Variants in DIP2A observed in about 807,000 individuals in gnomAD.
DIP2A encodes the protein disco-interacting protein 2 homolog A.
DIP2A carries 85 observed loss-of-function variants against 177.4 expected under a neutral mutation model. That is an observed-to-expected ratio of 0.48 (90% CI 0.40 to 0.57). The LOEUF (loss-of-function observed/expected upper bound fraction) is 0.57, where lower values mean the gene tolerates loss of function less well. Ranked by LOEUF, DIP2A falls within the 20% of genes least tolerant of loss-of-function variation. DIP2A has a pLI of 0.00. For missense variants in DIP2A, 1,791 were observed against 2,100.2 expected (o/e 0.85, Z 2.88); for synonymous variants, 886 against 881.8 (o/e 1.00, Z -0.08).
chr21:46,477,543 T>TTTTTTTTGTGTGTGTGTGTGTGTGTGTG (rs374607636), intron 1 of DIP2A, among the ~76,000 whole-genome samples: 16 of 87,094 alleles, frequency 1.8e-4, no homozygotes, highest in African/African-American at 2.6e-4. Flanking sequence ...AAAAAAAGAT[T>TTTTTTTTGTGTGTGTGTGTGTGTGTGTG]TGTGTGTGTG....
intron 1 of DIP2A, among the ~76,000 whole-genome samples, chr21:46,459,730 T>TCC (rs5844274): frequency 5.5e-4 from 81 of 147,510 alleles, no homozygotes; most frequent in African/African-American, 1.9e-3. Flanking sequence ...CAAGGACTCC[T>TCC]CCCCCCAGGC....
Position 46,539,887 on chromosome 21 carries a change from C to A in DIP2A, c.1932C>A (p.Ser644=). 1 of 1,613,942 alleles carries A rather than the reference C, an allele frequency of 6.2e-7. No homozygotes were observed. The highest frequency in any genetic ancestry group is 8.5e-7 in the Non-Finnish European group (1 of 1,179,838). Residue 644 remains serine, a synonymous_variant, in exon 17 of 38, where the codon TCC becomes TCA. Coordinates refer to ENST00000417564, the MANE Select transcript of DIP2A (RefSeq NM_015151.4). ...TGTTGCTCTGTGCAGGGTCGATCTC[C>A]TCCTGTGACGCCTTCCTCAACGTCT... ...VADGANPWSI[S]SCDAFLNVFQ... is the part of the protein sequence containing the mutation.
At chr21:46,528,527 C>CTTTTTTT (rs1162872343) in intron 8 of DIP2A, among the ~76,000 whole-genome samples, 9 of 29,390 alleles carry the variant, frequency 3.1e-4, no homozygotes, top group African/African-American at 4.7e-4. Flanking sequence ...TTTCTGCTTG[C>CTTTTTTT]TTTTTTTTTT....
rs184364153 is a variant in DIP2A at position 46,554,020 on chromosome 21, G to A, written c.3031-149G>A. 1.9e-4 allele frequency: 202 copies of A among 1,083,938 alleles called. 1 individual carries two copies. The highest frequency in any genetic ancestry group is 8.5e-4 in the African/African-American group (53 of 62,296). 67.1% of individuals were successfully genotyped at this position (1,083,938 alleles called of 1,614,324 possible). Reference sequence around the variant, plus strand: ...CTCTACCAAAAAAAAGACACCAGCCGTACGTCTAGGACTGACACATTGTCA... The same window carrying A: ...CTCTACCAAAAAAAAGACACCAGCCATACGTCTAGGACTGACACATTGTCA... On this transcript the variant is annotated intron_variant, in intron 25 of 37. Transcript: ENST00000417564.
intron 8 of DIP2A, among the ~76,000 whole-genome samples, chr21:46,517,818 C>T (rs1450021959): frequency 6.6e-6 from 1 of 152,172 alleles, no homozygotes; most frequent in Non-Finnish European, 1.5e-5. Context: ...ATACTCAGCC[C>T]CCCGTGGGGG....
chr21:46,518,103 A>G (rs973207215), intron 8 of DIP2A, among the ~76,000 whole-genome samples: 4 of 152,196 alleles, frequency 2.6e-5, no homozygotes, highest in Non-Finnish European at 5.9e-5. Context: ...GTTGTAATTC[A>G]TTTATTTCTG....
chr21:46,516,078 A>T (rs1265565646), intron 8 of DIP2A, among the ~76,000 whole-genome samples: 3 of 152,184 alleles, frequency 2.0e-5, no homozygotes, highest in African/African-American at 7.2e-5. Context: ...TTTTGAGAAG[A>T]TGCCAGACCA....
At chr21:46,497,292 A>G (rs1254001643) in intron 4 of DIP2A, among the ~76,000 whole-genome samples, 185 bp downstream of exon 4, 1 of 152,248 alleles carries the variant, frequency 6.6e-6, no homozygotes, top group Non-Finnish European at 1.5e-5. Flanking sequence ...TGTACATAGT[A>G]TTCTTACCCA....
At chr21:46,461,916 G>A (rs936349491) in intron 1 of DIP2A, among the ~76,000 whole-genome samples, 1 of 151,764 alleles carries the variant, frequency 6.6e-6, no homozygotes, top group Middle Eastern at 3.2e-3. Flanking sequence ...AAAAAAATTG[G>A]CTGGGCATGG....
chr21:46,531,139 CA>C (rs765504493), intron 9 of DIP2A, among the ~76,000 whole-genome samples: 7 of 152,038 alleles, frequency 4.6e-5, no homozygotes, highest in South Asian at 4.2e-4. Context: ...GGCAGCAGTC[CA>C]GGGGGGGCAG....
chr21:46,567,443 C>A lies in DIP2A; in HGVS notation c.4537C>A (p.Leu1513Met). 1.2e-6 allele frequency: 2 copies of A among 1,613,954 alleles called. No homozygotes were observed. Among genetic ancestry groups the A allele is most frequent in the Non-Finnish European group, 1.7e-6 (2 of 1,179,880 alleles). Residue 1513 changes from leucine to methionine, a missense_variant, in exon 38 of 38, where the codon CTG becomes ATG. By Grantham distance (15) the Leu-to-Met change is conservative. Coordinates refer to ENST00000417564, the MANE Select transcript of DIP2A (RefSeq NM_015151.4). Reference protein sequence around the residue: ...LDGLEQDALDLVALVTNVVLE... With the variant: ...LDGLEQDALDMVALVTNVVLE... ...TGGGCTAGAGCAGGATGCCCTGGAC[C>A]TGGTGGCCCTGGTGACCAACGTGGT...
chr21:46,463,308 A>C (rs971296629), intron 1 of DIP2A: 10 of 152,234 alleles, frequency 6.6e-5, no homozygotes, highest in African/African-American at 2.2e-4. Context: ...TACCTTGGAC[A>C]CACCTCACAG....
At chr21:46,470,729 A>G (rs1057449994) in intron 1 of DIP2A, among the ~76,000 whole-genome samples, 1 of 149,936 alleles carries the variant, frequency 6.7e-6, no homozygotes, top group African/African-American at 2.5e-5. Flanking sequence ...ACACCATTGC[A>G]CTCCAGCCTG....
chr21:46,475,085 TA>T (rs11322666), intron 1 of DIP2A, among the ~76,000 whole-genome samples: 151,739 of 152,342 alleles, frequency 1, 75,573 homozygotes, highest in Middle Eastern at 1. Context: ...CTTCTCCACT[TA>T]ACACTCTTCC....
intron 8 of DIP2A, among the ~76,000 whole-genome samples, chr21:46,528,263 T>C (rs1428023736): frequency 6.6e-6 from 1 of 152,130 alleles, no homozygotes; most frequent in Non-Finnish European, 1.5e-5. Context: ...TTTAACATGT[T>C]AAAACAAAGA....
chr21:46,554,101 A>G, intron 25 of DIP2A, 68 bp from the exon 26 acceptor site: 1 of 1,526,144 alleles, frequency 6.6e-7, no homozygotes, highest in Non-Finnish European at 8.8e-7. Context: ...GGTGGTGTGC[A>G]CGCAGATCTG....
chr21:46,539,529 C>G, intron 16 of DIP2A: 1 of 358,226 alleles, frequency 2.8e-6, no homozygotes, highest in South Asian at 2.2e-5. Context: ...GAGTGTGCAC[C>G]TCCTCTCCAG....
rs1299255030 is a variant in DIP2A, at chr21:46,532,231, A to G, written c.1299A>G (p.Thr433=). 1 of 1,613,800 alleles carries G rather than the reference A, an allele frequency of 6.2e-7. No homozygotes were observed. Among genetic ancestry groups the G allele is most frequent in the Non-Finnish European group, 8.5e-7 (1 of 1,179,782 alleles). ...LVPVPIEVPL[T]RKDAGSQQVG... ...CTGTCCCCATAGAAGTGCCATTAACAAGAAAGGTAGCAAACCCATGGCTCA... is the reference window on the plus strand; with the variant it reads ...CTGTCCCCATAGAAGTGCCATTAACGAGAAAGGTAGCAAACCCATGGCTCA... Residue 433 remains threonine, a synonymous_variant, in exon 10 of 38, where the codon ACA becomes ACG. Coordinates refer to ENST00000417564, the MANE Select transcript of DIP2A (RefSeq NM_015151.4).
In DIP2A at chr21:46,545,959, C is replaced by T; in HGVS notation, c.2392C>T (p.Pro798Ser). ...GACAGGCCTGCTGGGCTTCATCGGG[C>T]CTGTGAGTATGTCCTCCTGTACCAG... Reference protein sequence around the residue: ...TRTGLLGFIGPDNLVFIVGKL... With the variant: ...TRTGLLGFIGSDNLVFIVGKL... Residue 798 changes from proline to serine, a missense_variant and splice_region_variant, in exon 20 of 38, where the codon CCT becomes TCT. Pro to Ser is a moderately conservative substitution (Grantham distance 74). Coordinates refer to ENST00000417564, the MANE Select transcript of DIP2A (RefSeq NM_015151.4). 1.2e-6 allele frequency: 2 copies of T among 1,613,994 alleles called. No homozygotes were observed. Among genetic ancestry groups the T allele is most frequent in the East Asian group, 2.2e-5 (1 of 44,870 alleles).
Sources: allele counts gnomAD v4.1 joint callset (sites outside exome capture counted in the v4.1 genomes callset), GRCh38; gene constraint gnomAD v4.1.1; transcripts MANE v1.5; gene names NCBI Gene and HGNC (gene_info 2026-07-23, HGNC 2026-07-21).